Variants in DPP10 observed in about 807,000 individuals in gnomAD.
The protein encoded by DPP10 is inactive dipeptidyl peptidase 10.
DPP10 carries 33 observed loss-of-function variants against 120.9 expected under a neutral mutation model. That is an observed-to-expected ratio of 0.27 (90% CI 0.21 to 0.37). The LOEUF (loss-of-function observed/expected upper bound fraction) is 0.37, where lower values mean the gene tolerates loss of function less well. Ranked by LOEUF, DPP10 falls within the 10% of genes least tolerant of loss-of-function variation. The pLI is 1.00. For missense variants in DPP10, 816 were observed against 942.8 expected, an observed-to-expected ratio of 0.87 and a Z score of 1.76; for synonymous variants, 337 against 326.1, an observed-to-expected ratio of 1.03 and a Z score of -0.36.
intron 3 of DPP10, among the ~76,000 whole-genome samples, chr2:115,475,134 TTTCAGA>T (rs1369758187): frequency 6.6e-6 from 1 of 152,124 alleles, no homozygotes. Flanking sequence ...CTTGAAGGCA[TTTCAGA>T]GACCTCCATG....
At chr2:115,344,802 A>G (rs935078739) in intron 3 of DPP10, among the ~76,000 whole-genome samples, 2 of 152,104 alleles carry the variant, frequency 1.3e-5, no homozygotes, top group African/African-American at 4.8e-5. Context: ...TTTACCCTTC[A>G]CTTTATTTGG....
chr2:115,371,506 T>C (rs1030671462), intron 3 of DPP10, among the ~76,000 whole-genome samples: 1 of 152,200 alleles, frequency 6.6e-6, no homozygotes, highest in Admixed American at 6.6e-5. Flanking sequence ...CCTTTTTCCC[T>C]TCTTCAAAGA....
intron 2 of DPP10, among the ~76,000 whole-genome samples, chr2:115,335,301 C>T (rs2063055738): frequency 6.6e-6 from 1 of 151,730 alleles, no homozygotes; most frequent in South Asian, 2.1e-4. Flanking sequence ...CATAGCCAAA[C>T]CATATTAACT....
intron 1 of DPP10, among the ~76,000 whole-genome samples, chr2:114,774,361 A>C (rs529690990): frequency 6.6e-5 from 10 of 151,786 alleles, no homozygotes; most frequent in Non-Finnish European, 8.8e-5. Flanking sequence ...TTTTGTTACC[A>C]CGTTTGTTAC....
chr2:115,656,908 G>C (rs73946585), intron 5 of DPP10, among the ~76,000 whole-genome samples: 1 of 151,506 alleles, frequency 6.6e-6, no homozygotes, highest in Non-Finnish European at 1.5e-5. Context: ...CAGGGACTGC[G>C]TGAGGAGAAA....
chr2:114,895,308 A>C (rs920716196), intron 1 of DPP10, among the ~76,000 whole-genome samples: 2 of 152,232 alleles, frequency 1.3e-5, no homozygotes, highest in African/African-American at 4.8e-5. Flanking sequence ...TGGTCGAAGA[A>C]TTGAAGCACT....
chr2:115,291,049 G>A (rs897841727), intron 1 of DPP10, among the ~76,000 whole-genome samples: 2 of 152,044 alleles, frequency 1.3e-5, no homozygotes, highest in Non-Finnish European at 2.9e-5. Context: ...TGTTGCCCAG[G>A]CTGGAGTGCA....
At chr2:115,432,140 T>C (rs561053210) in intron 3 of DPP10, among the ~76,000 whole-genome samples, 1 of 152,232 alleles carries the variant, frequency 6.6e-6, no homozygotes, top group South Asian at 2.1e-4. Flanking sequence ...TTTTCCTTTT[T>C]TCTACCCTGG....
At chr2:115,303,148 A>G (rs1348911836) in intron 1 of DPP10, among the ~76,000 whole-genome samples, 2 of 151,908 alleles carry the variant, frequency 1.3e-5, no homozygotes, top group African/African-American at 4.8e-5. Flanking sequence ...ATTGAATTTG[A>G]ATTTTCTTTT....
chr2:115,067,387 G>A (rs1484378517), intron 1 of DPP10, among the ~76,000 whole-genome samples: 4 of 151,530 alleles, frequency 2.6e-5, no homozygotes, highest in African/African-American at 9.7e-5. Flanking sequence ...GAGTAGCTGG[G>A]ACTACAGGCG....
intron 1 of DPP10, among the ~76,000 whole-genome samples, chr2:114,573,723 A>G: frequency 6.6e-6 from 1 of 152,166 alleles, no homozygotes; most frequent in Admixed American, 6.5e-5. Context: ...CCCTGGGGAG[A>G]AAACACTCAC....
chr2:114,767,479 A>T (rs1213926083), intron 1 of DPP10, among the ~76,000 whole-genome samples: 2 of 151,998 alleles, frequency 1.3e-5, no homozygotes, highest in Non-Finnish European at 2.9e-5. Flanking sequence ...TAGGAGTATT[A>T]AAAGGATGCC....
intron 1 of DPP10, among the ~76,000 whole-genome samples, chr2:114,538,373 A>T (rs1305291132): frequency 1.3e-5 from 2 of 152,106 alleles, no homozygotes; most frequent in African/African-American, 4.8e-5. Flanking sequence ...GGTTTTGGAG[A>T]TCTAGTGCAA....
At chr2:114,659,242 T>C (rs1697206615) in intron 1 of DPP10, among the ~76,000 whole-genome samples, 1 of 152,060 alleles carries the variant, frequency 6.6e-6, no homozygotes, top group African/African-American at 2.4e-5. Context: ...AACAATAAAT[T>C]GTATGTGGCA....
At chr2:115,631,305 T>G (rs2085852539) in intron 5 of DPP10, among the ~76,000 whole-genome samples, 1 of 152,132 alleles carries the variant, frequency 6.6e-6, no homozygotes, top group Non-Finnish European at 1.5e-5. Flanking sequence ...TATATGATTC[T>G]TTTTTCTTCT....
chr2:114,773,425 G>T, intron 1 of DPP10, among the ~76,000 whole-genome samples: 1 of 147,636 alleles, frequency 6.8e-6, no homozygotes, highest in South Asian at 2.2e-4. Flanking sequence ...TAACTCAACA[G>T]ACCTGACTTT....
chr2:115,196,866 A>G (rs567796793), intron 1 of DPP10, among the ~76,000 whole-genome samples: 18 of 152,338 alleles, frequency 1.2e-4, no homozygotes, highest in Middle Eastern at 3.4e-3. Flanking sequence ...AAAAAACACC[A>G]TAACACTGAG....
chr2:114,677,461 A>G lies in DPP10; in HGVS notation c.60+234623A>G, dbSNP rs566223419. Among the ~76,000 whole-genome samples, 8 of 152,126 alleles carry G rather than the reference A, an allele frequency of 5.3e-5. No homozygotes were observed. In the South Asian group the frequency reaches 1.7e-3, roughly 31 times the overall value. On this transcript the variant is annotated intron_variant, in intron 1 of 25. Coordinates refer to ENST00000410059, the MANE Select transcript of DPP10 (RefSeq NM_020868.6). Reference sequence around the variant, plus strand: ...AAATACATCTCATAGCAGCTCCTGTAAAGGAAAAATAACTAACATTTATTG... The same window carrying G: ...AAATACATCTCATAGCAGCTCCTGTGAAGGAAAAATAACTAACATTTATTG...
At chr2:114,638,108 A>T (rs1217399861) in intron 1 of DPP10, among the ~76,000 whole-genome samples, 1 of 151,890 alleles carries the variant, frequency 6.6e-6, no homozygotes, top group East Asian at 1.9e-4. Context: ...CTTCTAATCA[A>T]TGAGCATGGA....
Sources: gnomAD v4.1 joint callset for allele counts (sites outside exome capture counted in the v4.1 genomes callset) on GRCh38, gnomAD v4.1.1 for gene constraint, MANE v1.5 for transcripts, NCBI Gene and HGNC (gene_info 2026-07-23, HGNC 2026-07-21) for gene names.